The following MROH9 variants were observed in gnomAD, a reference collection of about 807,000 sequenced individuals.
MROH9 encodes maestro heat-like repeat-containing protein family member 9.
MROH9 carries 92 observed loss-of-function variants against 98.2 expected under a neutral mutation model. The observed-to-expected ratio is 0.94, with a 90% CI of 0.79 to 1.11. The LOEUF (loss-of-function observed/expected upper bound fraction) is 1.11, where lower values mean the gene tolerates loss of function less well. Among genes scored for constraint, MROH9 ranks in the 50% most tolerant of loss-of-function variants. The pLI is 0.00. For missense variants in MROH9, 1,057 were observed against 1,014.8 expected (o/e 1.04, Z -0.57); for synonymous variants, 397 against 368.9 (o/e 1.08, Z -0.87).
Position 171,024,379 on chromosome 1 carries a change from C to T in MROH9, c.1909-16C>T. On this transcript the variant is annotated splice_polypyrimidine_tract_variant and intron_variant, in intron 17 of 21. Transcript: ENST00000367759. ...GCCCTAATATTATCCTCAAATAAGG[C>T]CTTTGTCTTTTACAGATTAATGGAG... is the stretch of plus-strand genomic sequence containing the variant. 1.3e-6 allele frequency: 2 copies of T among 1,547,828 alleles called. No homozygotes were observed. The highest frequency in any genetic ancestry group is 1.7e-6 in the Non-Finnish European group (2 of 1,145,354).
intron 8 of MROH9, among the ~76,000 whole-genome samples, chr1:170,973,089 C>T (rs956768803): frequency 2.6e-5 from 4 of 150,954 alleles, no homozygotes; most frequent in Admixed American, 6.6e-5. Flanking sequence ...GGTACCAGAA[C>T]GGAGTACATG....
At chr1:170,958,650 A>G in intron 4 of MROH9, 110 bp downstream of exon 4, 1 of 735,782 alleles carries the variant, frequency 1.4e-6, no homozygotes, top group South Asian at 2.3e-5. Context: ...AAACTTCACC[A>G]TCATAATTTG....
At chr1:170,952,979 G>A (rs1047171554) in intron 3 of MROH9, among the ~76,000 whole-genome samples, 39 of 151,824 alleles carry the variant, frequency 2.6e-4, no homozygotes, top group Non-Finnish European at 2.6e-4. Flanking sequence ...ATTATTTTTG[G>A]TTTTCAAAAA....
Position 171,024,419 on chromosome 1 carries a change from G to C in MROH9, c.1933G>C (p.Ala645Pro). The C allele has an allele frequency of 6.4e-7, 1 of 1,550,842 alleles. No individual in the cohort carries two copies. Among genetic ancestry groups the C allele is most frequent in the Non-Finnish European group, 8.7e-7 (1 of 1,146,696 alleles). Reference protein sequence around the residue: ...DHINGGIRSMAIRHFGQLVRD... With the variant: ...DHINGGIRSMPIRHFGQLVRD... ...GATTAATGGAGGCATTCGAAGTATGGCAATTCGACACTTTGGTCAATTAGT... is the reference window on the plus strand; with the variant it reads ...GATTAATGGAGGCATTCGAAGTATGCCAATTCGACACTTTGGTCAATTAGT... Residue 645 changes from alanine to proline, a missense_variant, in exon 18 of 22, where the codon GCA becomes CCA. Ala to Pro is a conservative substitution (Grantham distance 27). Transcript: ENST00000367759.
chr1:171,046,012 T>G (rs1406541158), intron 20 of MROH9, among the ~76,000 whole-genome samples: 1 of 152,184 alleles, frequency 6.6e-6, no homozygotes, highest in Non-Finnish European at 1.5e-5. Context: ...TGTTATATCT[T>G]CTTGCTGAAT....
intron 8 of MROH9, among the ~76,000 whole-genome samples, chr1:170,981,132 G>T (rs1650914228): frequency 6.6e-6 from 1 of 152,122 alleles, no homozygotes; most frequent in South Asian, 2.1e-4. Flanking sequence ...TGGAGGATGT[G>T]GAGCAATAGG....
chr1:170,980,488 T>G (rs1020617748), intron 8 of MROH9, among the ~76,000 whole-genome samples: 1 of 152,154 alleles, frequency 6.6e-6, no homozygotes, highest in Non-Finnish European at 1.5e-5. Context: ...TATCTGATCT[T>G]TGACAAACCT....
In MROH9 at chr1:171,025,527, G is replaced by T. The variant is rs182339611; in HGVS notation, c.2281+107G>T. The T allele has an allele frequency of 3.0e-4, 206 of 688,224 alleles. 1 individual carries two copies. The highest frequency in any genetic ancestry group is 3.0e-3 in the African/African-American group (165 of 55,716). 42.6% of individuals were successfully genotyped at this position (688,224 alleles called of 1,614,324 possible). A position where few individuals can be genotyped will look rare whatever the true frequency, so the allele number is the denominator to read the frequency against. On this transcript the variant is annotated intron_variant, in intron 20 of 21. Coordinates refer to ENST00000367759, the MANE Select transcript of MROH9 (RefSeq NM_001163629.2). ...TTTTTTAATGTCTCTGTTTATGAGG[G>T]ACAGCACCTGTGATGGTGATGAATA...
At position 170,947,590 on chromosome 1, in the gene MROH9, A is replaced by C. The variant is rs761335755; in HGVS notation, c.72+17A>C. On this transcript the variant is annotated intron_variant, in intron 3 of 21. Transcript: ENST00000367759. ...CACCACATGGTAAGTGATATTCTAT[A>C]AGGATATCAACGTAACTGAATTCTC... 26 of 1,590,152 alleles carry C rather than the reference A, an allele frequency of 1.6e-5. No individual in the cohort carries two copies. The South Asian group carries it at 2.9e-4, about 18-fold the overall frequency.
At chr1:171,043,847 T>A (rs1034873012) in intron 20 of MROH9, among the ~76,000 whole-genome samples, 1 of 152,166 alleles carries the variant, frequency 6.6e-6, no homozygotes, top group African/African-American at 2.4e-5. Context: ...TACTGGATTA[T>A]CAGTTCTAAT....
At chr1:170,954,907 C>A (rs1649701024) in intron 3 of MROH9, among the ~76,000 whole-genome samples, 2 of 151,876 alleles carry the variant, frequency 1.3e-5, no homozygotes, top group South Asian at 4.2e-4. Context: ...CTTTGGTGCA[C>A]CCATCATCTG....
chr1:171,056,509 T>G (rs781170966), intron 20 of MROH9, among the ~76,000 whole-genome samples: 13 of 152,278 alleles, frequency 8.5e-5, no homozygotes, highest in Non-Finnish European at 1.2e-4. Context: ...GAGCCTCTAG[T>G]GGGAGGAATG....
At chr1:170,977,598 T>G (rs1430408340) in intron 8 of MROH9, among the ~76,000 whole-genome samples, 1 of 152,180 alleles carries the variant, frequency 6.6e-6, no homozygotes, top group African/African-American at 2.4e-5. Context: ...CTCCCCTATA[T>G]TTCCTTACAG....
intron 15 of MROH9, among the ~76,000 whole-genome samples, chr1:171,008,349 T>C (rs1217488528): frequency 6.6e-6 from 1 of 152,248 alleles, no homozygotes; most frequent in Non-Finnish European, 1.5e-5. Context: ...ACTTGACTTA[T>C]TAGAATTTTA....
intron 8 of MROH9, among the ~76,000 whole-genome samples, chr1:170,979,989 C>T (rs537671525): frequency 1.1e-4 from 16 of 152,028 alleles, no homozygotes; most frequent in Admixed American, 2.0e-4. Flanking sequence ...CATTTACAAT[C>T]GCTACAAAGA....
At chr1:171,011,170 G>A (rs1571500546) in intron 15 of MROH9, among the ~76,000 whole-genome samples, 1 of 152,236 alleles carries the variant, frequency 6.6e-6, no homozygotes, top group African/African-American at 2.4e-5. Flanking sequence ...CGAGACAGAT[G>A]CCATCCACTA....
intron 3 of MROH9, among the ~76,000 whole-genome samples, chr1:170,952,573 C>T (rs33966206): frequency 9.9e-5 from 13 of 131,398 alleles, no homozygotes; most frequent in East Asian, 4.5e-4. Context: ...ACACAGGAAG[C>T]GGAACATCAC....
intron 20 of MROH9, among the ~76,000 whole-genome samples, chr1:171,028,469 C>CA: frequency 6.6e-6 from 1 of 152,188 alleles, no homozygotes; most frequent in East Asian, 1.9e-4. Flanking sequence ...ACAATGCCTC[C>CA]AGCTTTGTTC....
At chr1:171,016,904 T>C (rs964326933) in intron 17 of MROH9, among the ~76,000 whole-genome samples, 3 of 152,182 alleles carry the variant, frequency 2.0e-5, no homozygotes, top group East Asian at 3.8e-4. Context: ...AATGAAAACT[T>C]TGGTATGCCA....
Sources: gnomAD v4.1 joint callset for allele counts (sites outside exome capture counted in the v4.1 genomes callset) on GRCh38, gnomAD v4.1.1 for gene constraint, MANE v1.5 for transcripts, NCBI Gene and HGNC (gene_info 2026-07-23, HGNC 2026-07-21) for gene names.